Variants in PLEKHM3 observed in about 807,000 individuals in gnomAD.
The protein encoded by PLEKHM3 is pleckstrin homology domain-containing family M member 3.
In PLEKHM3, 45 loss-of-function variants were observed where a neutral mutation model predicts 81.8. That is an observed-to-expected ratio of 0.55 (90% CI 0.43 to 0.71). The LOEUF is 0.71. Ranked by LOEUF, PLEKHM3 falls within the 30% of genes least tolerant of loss-of-function variation. The pLI is 0.00. For synonymous variants in PLEKHM3, 352 were observed against 356.4 expected (o/e 0.99, Z 0.14); for missense variants, 788 against 924.3 (o/e 0.85, Z 1.91).
At position 208,004,876 on chromosome 2, in the gene PLEKHM3, G is replaced by C. The variant is rs146603795; in HGVS notation, c.-318-2919C>G. ...GTTTTGCTCTTTCGCCCAGGCTAGAGTGAAGTGGCACGATTTCAGCTCACT... is the reference window on the plus strand; with the variant it reads ...GTTTTGCTCTTTCGCCCAGGCTAGACTGAAGTGGCACGATTTCAGCTCACT... On this transcript the variant is annotated intron_variant, in intron 1 of 7. Transcript: ENST00000427836. Among the ~76,000 whole-genome samples, 375 of 152,268 alleles carry C rather than the reference G, an allele frequency of 2.5e-3. 3 individuals are homozygous for C. Among genetic ancestry groups the C allele is most frequent in the African/African-American group, 8.4e-3 (350 of 41,550 alleles).
chr2:207,838,658 GA>G (rs2092333426), intron 7 of PLEKHM3, among the ~76,000 whole-genome samples: 1 of 152,120 alleles, frequency 6.6e-6, no homozygotes, highest in Non-Finnish European at 1.5e-5. Flanking sequence ...TTGGGATAGG[GA>G]AAATGGATAT....
chr2:207,846,861 C>T (rs2092385892), intron 7 of PLEKHM3, among the ~76,000 whole-genome samples: 1 of 151,978 alleles, frequency 6.6e-6, no homozygotes, highest in African/African-American at 2.4e-5. Flanking sequence ...ATGATTCTAA[C>T]TATTTAAAAA....
chr2:207,952,694 A>G (rs188082559), intron 3 of PLEKHM3, among the ~76,000 whole-genome samples: 290 of 152,340 alleles, frequency 1.9e-3, no homozygotes, highest in Middle Eastern at 6.8e-3. Flanking sequence ...GAGGTCCATT[A>G]AAGGAAGTAG....
intron 7 of PLEKHM3, among the ~76,000 whole-genome samples, chr2:207,839,284 C>CTAATGTACATTAGAAAATGCACAT (rs1294137783): frequency 6.6e-6 from 1 of 151,874 alleles, no homozygotes; most frequent in East Asian, 1.9e-4. Context: ...GTACATGAAT[C>CTAATGTACATTAGAAAATGCACAT]TAATGTACAT....
At chr2:207,837,680 C>T (rs1247755053) in intron 7 of PLEKHM3, among the ~76,000 whole-genome samples, 3 of 121,464 alleles carry the variant, frequency 2.5e-5, no homozygotes, top group African/African-American at 9.8e-5. Context: ...TCTTGTTCTC[C>T]TGACCTCGTG....
chr2:207,963,470 C>T (rs1574449108), intron 3 of PLEKHM3, among the ~76,000 whole-genome samples: 1 of 152,110 alleles, frequency 6.6e-6, no homozygotes, highest in African/African-American at 2.4e-5. Context: ...AATAAGATCA[C>T]GCTTGCTGCA....
chr2:207,876,293 A>G lies in PLEKHM3; in HGVS notation c.1951-15031T>C, dbSNP rs1340309634. 2.0e-5 allele frequency among the ~76,000 whole-genome samples: 3 copies of G among 152,244 alleles called. No homozygotes were observed. In the East Asian group the frequency reaches 5.8e-4, roughly 29 times the overall value. On this transcript the variant is annotated intron_variant, in intron 6 of 7. Coordinates refer to ENST00000427836, the MANE Select transcript of PLEKHM3 (RefSeq NM_001080475.3). Reference sequence around the variant, plus strand: ...CAAATATTTAAATTGTTAAAAAAAAAACCAATGACAGCTCTACAAAGCATG... The same window carrying G: ...CAAATATTTAAATTGTTAAAAAAAAGACCAATGACAGCTCTACAAAGCATG...
chr2:207,863,095 T>C (rs1430632801), intron 6 of PLEKHM3, among the ~76,000 whole-genome samples: 1 of 152,142 alleles, frequency 6.6e-6, no homozygotes, highest in East Asian at 1.9e-4. Context: ...CAATTGAAAG[T>C]CCCTCCCCTT....
At position 208,007,475 on chromosome 2, in the gene PLEKHM3, TCA is replaced by T. The variant is rs751815800; in HGVS notation, c.-318-5520_-318-5519del. Among the ~76,000 whole-genome samples the T allele has an allele frequency of 5.1e-4, 78 of 152,114 alleles. No homozygotes were observed. In the Middle Eastern group the frequency reaches 0.014, roughly 27 times the overall value. ...CCAGGGTGGACCTCATAAAAAGAGC[TCA>T]GAGGCCTATCAGATGAAACAGACAG... On this transcript the variant is annotated intron_variant, in intron 1 of 7. Transcript: ENST00000427836.
chr2:207,888,826 A>C (rs1687961872), intron 6 of PLEKHM3, among the ~76,000 whole-genome samples: 1 of 152,236 alleles, frequency 6.6e-6, no homozygotes, highest in Non-Finnish European at 1.5e-5. Flanking sequence ...AGAGGCTTTA[A>C]TACTTTAGGA....
chr2:207,901,341 CA>C (rs1559228206), intron 6 of PLEKHM3: 2 of 703,022 alleles, frequency 2.8e-6, no homozygotes, highest in Admixed American at 4.0e-5. Flanking sequence ...GCATAAAGAA[CA>C]ATCTGCACCA....
intron 1 of PLEKHM3, among the ~76,000 whole-genome samples, chr2:208,008,703 A>G (rs1692589938): frequency 6.6e-6 from 1 of 152,012 alleles, no homozygotes; most frequent in Non-Finnish European, 1.5e-5. Flanking sequence ...CCCTCCTTAA[A>G]AGTTTCCTCC....
At chr2:207,896,150 C>T (rs1367804011) in intron 6 of PLEKHM3, among the ~76,000 whole-genome samples, 1 of 152,206 alleles carries the variant, frequency 6.6e-6, no homozygotes, top group East Asian at 1.9e-4. Flanking sequence ...TATAAAATCA[C>T]AGAATGAGGG....
intron 5 of PLEKHM3, among the ~76,000 whole-genome samples, chr2:207,925,679 C>T (rs1245269936): frequency 6.6e-6 from 1 of 152,112 alleles, no homozygotes; most frequent in Non-Finnish European, 1.5e-5. Context: ...TTTGCCCCAC[C>T]TGGGCTTGGT....
At chr2:207,963,310 C>G (rs762123070) in intron 3 of PLEKHM3, among the ~76,000 whole-genome samples, 9 of 152,190 alleles carry the variant, frequency 5.9e-5, no homozygotes, top group Middle Eastern at 3.4e-3. Flanking sequence ...GTGGCTGGAA[C>G]AGTGTGTAAG....
At chr2:207,975,372 G>A (rs1691269224) in intron 3 of PLEKHM3, among the ~76,000 whole-genome samples, 1 of 152,114 alleles carries the variant, frequency 6.6e-6, no homozygotes, top group South Asian at 2.1e-4. Context: ...AATTTTAAAT[G>A]TGGTTTTGGC....
intron 3 of PLEKHM3, among the ~76,000 whole-genome samples, chr2:207,947,050 C>T (rs1164350151): frequency 6.6e-6 from 1 of 152,166 alleles, no homozygotes; most frequent in African/African-American, 2.4e-5. Flanking sequence ...TAAAATAATC[C>T]CCAAAACTGT....
chr2:207,876,718 A>T (rs955350806), intron 6 of PLEKHM3, among the ~76,000 whole-genome samples: 1 of 152,190 alleles, frequency 6.6e-6, no homozygotes, highest in East Asian at 1.9e-4. Flanking sequence ...TTAAGTAACC[A>T]ATCAGTTAGG....
In PLEKHM3 at chr2:207,976,824, G is replaced by A. The variant is rs774927333; in HGVS notation, c.1373C>T (p.Ala458Val). ...MEALKIAANVARSSEQNLQVT... is the reference protein window; with the variant it reads ...MEALKIAANVVRSSEQNLQVT... ...TTGCAGGTTTTGCTCTGAACTCCTC[G>A]CCACATTGGCAGCTATCTTCAGAGC... Residue 458 changes from alanine (A) to valine (V), a missense_variant, in exon 3 of 8, where the codon GCG becomes GTG. By Grantham distance (64) the Ala-to-Val change is moderately conservative (BLOSUM62 0). Transcript: ENST00000427836. This position sits in a 1 kb window ranked among gnomAD's most constrained non-coding sequence, Gnocchi z 4.1. The A allele has an allele frequency of 1.3e-5, 21 of 1,614,040 alleles. No homozygotes were observed. Among genetic ancestry groups the A allele is most frequent in the South Asian group, 1.1e-4 (10 of 91,082 alleles).
Sources: allele counts gnomAD v4.1 joint callset (sites outside exome capture counted in the v4.1 genomes callset), GRCh38; gene constraint gnomAD v4.1.1; non-coding constraint Gnocchi (gnomAD v3.1); transcripts MANE v1.5; gene names NCBI Gene and HGNC (gene_info 2026-07-23, HGNC 2026-07-21).